Variants in SUPT3H observed in about 807,000 individuals in gnomAD.
SUPT3H encodes the protein SPT3 homolog, SAGA and STAGA complex component.
Under a neutral mutation model 44.3 loss-of-function variants are expected in SUPT3H, and 44 were observed. The ratio of observed to expected loss-of-function variants is 0.99; its 90% CI spans 0.78 to 1.28. The LOEUF (loss-of-function observed/expected upper bound fraction) is 1.28, where lower values mean the gene tolerates loss of function less well. Among genes scored for constraint, SUPT3H ranks in the 50% most tolerant of loss-of-function variants. The probability of loss-of-function intolerance (pLI) is 0.00; values close to 1 mark genes in which losing one functional copy is unlikely to be tolerated. For synonymous variants in SUPT3H, 124 were observed against 125.6 expected, an observed-to-expected ratio of 0.99 and a Z score of 0.09; for missense variants, 380 against 387.1, an observed-to-expected ratio of 0.98 and a Z score of 0.15.
chr6:45,354,365 C>A (rs982684452), intron 2 of SUPT3H, among the ~76,000 whole-genome samples: 1 of 152,082 alleles, frequency 6.6e-6, no homozygotes, highest in Non-Finnish European at 1.5e-5. Flanking sequence ...CAAAAAAGCA[C>A]AGTAATGACT....
chr6:45,181,421 G>A (rs1048999900), intron 2 of SUPT3H, among the ~76,000 whole-genome samples: 13 of 152,084 alleles, frequency 8.5e-5, no homozygotes, highest in African/African-American at 3.1e-4. Flanking sequence ...GCACACATAT[G>A]TTTATTGCGG....
At chr6:45,232,232 C>T (rs904121554) in intron 2 of SUPT3H, among the ~76,000 whole-genome samples, 3 of 152,080 alleles carry the variant, frequency 2.0e-5, no homozygotes, top group Non-Finnish European at 4.4e-5. Context: ...GAAGATGTAC[C>T]AATTGTGCTG....
At chr6:45,166,205 A>T (rs1809812905) in intron 2 of SUPT3H, among the ~76,000 whole-genome samples, 1 of 152,140 alleles carries the variant, frequency 6.6e-6, no homozygotes, top group Admixed American at 6.5e-5. Flanking sequence ...AGGTGACAAG[A>T]TGGCTTGCAT....
At chr6:44,953,141 C>T (rs560235108) in intron 9 of SUPT3H, among the ~76,000 whole-genome samples, 169 bp downstream of exon 9, 5 of 152,300 alleles carry the variant, frequency 3.3e-5, no homozygotes, top group Admixed American at 1.3e-4. Context: ...CAGGGCCTGG[C>T]ACACAGTAGG....
At chr6:45,081,115 T>G (rs767711613) in intron 3 of SUPT3H, among the ~76,000 whole-genome samples, 2 of 151,630 alleles carry the variant, frequency 1.3e-5, no homozygotes, top group African/African-American at 2.4e-5. Flanking sequence ...ATTAAGAAAT[T>G]AAATGAATAA....
chr6:45,200,463 A>T (rs930930807), intron 2 of SUPT3H, among the ~76,000 whole-genome samples: 1 of 151,570 alleles, frequency 6.6e-6, no homozygotes, highest in African/African-American at 2.4e-5. Context: ...TTTTAAAAAT[A>T]TTAACAAACT....
rs1185937795 is a variant in SUPT3H, at chr6:45,095,581, C to A, written c.186+10341G>T. Among the ~76,000 whole-genome samples the A allele has an allele frequency of 6.6e-6, 1 of 152,072 alleles. No individual in the cohort carries two copies. Among genetic ancestry groups the A allele is most frequent in the Non-Finnish European group, 1.5e-5 (1 of 67,980 alleles). On this transcript the variant is annotated intron_variant, in intron 3 of 10. Coordinates refer to ENST00000371459, the MANE Select transcript of SUPT3H (RefSeq NM_003599.4). This position sits in a 1 kb window ranked among gnomAD's most constrained non-coding sequence, Gnocchi z 4.1. ...GGTTCTGATGTGAAAACTAGTGTAA[C>A]CAACTACACAGCTTACTACTGACTG...
chr6:45,042,149 G>A (rs934251272), intron 3 of SUPT3H, among the ~76,000 whole-genome samples: 5 of 152,230 alleles, frequency 3.3e-5, no homozygotes, highest in East Asian at 3.9e-4. Context: ...CTGGCTGGGC[G>A]TGGTGGCTCA....
chr6:44,909,130 T>TGTGTGC (rs1192481374), intron 10 of SUPT3H, among the ~76,000 whole-genome samples: 2 of 104,632 alleles, frequency 1.9e-5, no homozygotes, highest in Admixed American at 1.2e-4. Context: ...AAGAGGTGTG[T>TGTGTGC]GTGTGTGTGT....
chr6:44,825,580 C>G (rs572884546), downstream of SUPT3H, among the ~76,000 whole-genome samples: 53 of 152,328 alleles, frequency 3.5e-4, 1 homozygote, highest in Middle Eastern at 0.01. Flanking sequence ...CTGTGGGCAA[C>G]AGGGCATATC....
At chr6:45,199,247 C>A (rs1816593606) in intron 2 of SUPT3H, among the ~76,000 whole-genome samples, 1 of 150,894 alleles carries the variant, frequency 6.6e-6, no homozygotes, top group East Asian at 1.9e-4. Flanking sequence ...AGATTTAAGT[C>A]TATTTTTCCT....
chr6:45,113,532 T>A (rs993961744), intron 2 of SUPT3H, among the ~76,000 whole-genome samples: 3 of 151,958 alleles, frequency 2.0e-5, no homozygotes, highest in Non-Finnish European at 4.4e-5. Context: ...AAGTGATAGG[T>A]AAATCAAAAT....
At chr6:45,118,206 T>G (rs1363992286) in intron 2 of SUPT3H, among the ~76,000 whole-genome samples, 2 of 152,096 alleles carry the variant, frequency 1.3e-5, no homozygotes, top group East Asian at 3.9e-4. Context: ...AAGATCAGTA[T>G]GTACTTGTAG....
At chr6:45,230,893 G>A (rs1286737013) in intron 2 of SUPT3H, among the ~76,000 whole-genome samples, 5 of 151,556 alleles carry the variant, frequency 3.3e-5, no homozygotes, top group African/African-American at 9.7e-5. Flanking sequence ...GGATGGTCTA[G>A]ATCTCCTGAC....
intron 2 of SUPT3H, among the ~76,000 whole-genome samples, chr6:45,132,316 T>C (rs1326201715): frequency 6.6e-6 from 1 of 152,196 alleles, no homozygotes; most frequent in Non-Finnish European, 1.5e-5. Flanking sequence ...CCCTGGTACA[T>C]AAAATAAGCT....
At chr6:45,158,275 C>CATATATATAT (rs70996305) in intron 2 of SUPT3H, among the ~76,000 whole-genome samples, 1 of 62,178 alleles carries the variant, frequency 1.6e-5, no homozygotes, top group Admixed American at 1.8e-4. Context: ...TATAAATATA[C>CATATATATAT]ATATATATAT....
At chr6:45,377,050 T>C (rs781189898) in intron 1 of SUPT3H, among the ~76,000 whole-genome samples, 18 of 152,104 alleles carry the variant, frequency 1.2e-4, no homozygotes, top group Non-Finnish European at 2.4e-4. Context: ...TCTTCATAAC[T>C]TCACTCTCAC....
chr6:45,237,521 A>G (rs190266162), intron 2 of SUPT3H, among the ~76,000 whole-genome samples: 222 of 152,310 alleles, frequency 1.5e-3, no homozygotes, highest in African/African-American at 5.1e-3. Context: ...GAAATGGGGT[A>G]TGTCCCTGGT....
chr6:45,199,641 T>C lies in SUPT3H; in HGVS notation c.102-93635A>G, dbSNP rs138934536. On this transcript the variant is annotated intron_variant, in intron 2 of 10. Transcript: ENST00000371459. ...TAATTCAATAGTCAGATGATAATTC[T>C]TCAGTAGTTTCACAGTAGCATAATT... 1.7e-3 allele frequency among the ~76,000 whole-genome samples: 264 copies of C among 151,452 alleles called. 3 individuals are homozygous for C. Among genetic ancestry groups the C allele is most frequent in the African/African-American group, 6.2e-3 (258 of 41,516 alleles).
Sources: gnomAD v4.1 joint callset for allele counts (sites outside exome capture counted in the v4.1 genomes callset) on GRCh38, gnomAD v4.1.1 for gene constraint, Gnocchi (gnomAD v3.1) non-coding constraint, MANE v1.5 for transcripts, NCBI Gene and HGNC (gene_info 2026-07-23, HGNC 2026-07-21) for gene names.